Variants in ANGPT1 observed in about 807,000 individuals in gnomAD.
The protein encoded by ANGPT1 is angiopoietin 1.
ANGPT1 carries 17 observed loss-of-function variants against 62.2 expected under a neutral mutation model. The observed-to-expected ratio is 0.27, with a 90% CI of 0.19 to 0.41. ANGPT1 has a LOEUF of 0.41. Ranked by LOEUF, ANGPT1 falls within the 10% of genes least tolerant of loss-of-function variation. The probability of loss-of-function intolerance (pLI) is 1.00; values close to 1 mark genes in which losing one functional copy is unlikely to be tolerated. For synonymous variants in ANGPT1, 199 were observed against 198.9 expected, an observed-to-expected ratio of 1.00 and a Z score of 0.00; for missense variants, 478 against 594.9, an observed-to-expected ratio of 0.80 and a Z score of 2.04.
intron 1 of ANGPT1, among the ~76,000 whole-genome samples, chr8:107,416,991 A>G (rs1026740059): frequency 2.0e-5 from 3 of 151,944 alleles, no homozygotes; most frequent in African/African-American, 7.2e-5. Flanking sequence ...GGGTTTCACC[A>G]TGTTGGCCAG....
chr8:107,348,432 G>A (rs981940621), intron 1 of ANGPT1, among the ~76,000 whole-genome samples: 2 of 151,966 alleles, frequency 1.3e-5, no homozygotes, highest in Non-Finnish European at 2.9e-5. Flanking sequence ...TAACAAAAAT[G>A]GTTTTCAATC....
chr8:107,331,034 CTAATA>C (rs1225117451), intron 3 of ANGPT1, among the ~76,000 whole-genome samples: 3 of 152,120 alleles, frequency 2.0e-5, no homozygotes, highest in African/African-American at 7.2e-5. Context: ...TTATAAACAA[CTAATA>C]TAATTCAGCC....
chr8:107,341,662 A>G (rs991092045), intron 2 of ANGPT1, among the ~76,000 whole-genome samples: 1 of 149,268 alleles, frequency 6.7e-6, no homozygotes, highest in South Asian at 2.1e-4. Flanking sequence ...TAATAATATA[A>G]CCCTATATTA....
intron 1 of ANGPT1, among the ~76,000 whole-genome samples, chr8:107,367,427 C>T (rs1438383314): frequency 1.3e-5 from 2 of 152,082 alleles, no homozygotes; most frequent in African/African-American, 4.8e-5. Context: ...GCTGACTGAT[C>T]AGGGTGGGGT....
intron 1 of ANGPT1, among the ~76,000 whole-genome samples, chr8:107,368,282 T>C (rs965004754): frequency 2.0e-5 from 3 of 152,082 alleles, no homozygotes; most frequent in Non-Finnish European, 2.9e-5. Flanking sequence ...TTAAAAATAA[T>C]CTTTTTGTTT....
intron 1 of ANGPT1, among the ~76,000 whole-genome samples, chr8:107,444,621 T>C (rs1425192618): frequency 6.6e-6 from 1 of 152,220 alleles, no homozygotes; most frequent in Non-Finnish European, 1.5e-5. Flanking sequence ...TAAGCTGGTA[T>C]GAAGTCAAAA....
chr8:107,278,693 C>T (rs960775144), intron 7 of ANGPT1, among the ~76,000 whole-genome samples: 34 of 152,304 alleles, frequency 2.2e-4, no homozygotes, highest in African/African-American at 8.2e-4. Flanking sequence ...ACAGTTTCTA[C>T]ATTGTGTATT....
Position 107,322,206 on chromosome 8 carries a change from AATTT to A in ANGPT1, c.576-82_576-79del. The A allele has an allele frequency of 8.7e-6, 9 of 1,033,548 alleles. No individual in the cohort carries two copies. The South Asian group carries it at 1.0e-4, about 11-fold the overall frequency. 64.0% of individuals were successfully genotyped at this position (1,033,548 alleles called of 1,614,324 possible). On this transcript the variant is annotated intron_variant, in intron 3 of 8. Transcript: ENST00000517746. ...ACCCTTATAATTCAATTGGTTCCTG[AATTT>A]ATTTAAGATGAGAAATTTTACATTT...
intron 6 of ANGPT1, among the ~76,000 whole-genome samples, chr8:107,288,953 T>C (rs1814208812): frequency 6.6e-6 from 1 of 152,144 alleles, no homozygotes. Flanking sequence ...AATGAAAGTA[T>C]ATATGAAATT....
At chr8:107,398,518 G>C (rs369412885) in intron 1 of ANGPT1, among the ~76,000 whole-genome samples, 2 of 37,604 alleles carry the variant, frequency 5.3e-5, no homozygotes, top group African/African-American at 1.6e-4. Context: ...TTTTTTTTTT[G>C]CTAAGTGTGA....
intron 7 of ANGPT1, among the ~76,000 whole-genome samples, chr8:107,269,114 C>A (rs1460038023): frequency 1.3e-5 from 2 of 151,842 alleles, no homozygotes; most frequent in African/African-American, 4.8e-5. Flanking sequence ...CTGTGGAATC[C>A]CAGAAGGACT....
intron 1 of ANGPT1, among the ~76,000 whole-genome samples, chr8:107,488,669 T>G (rs1812879243): frequency 6.6e-6 from 1 of 152,212 alleles, no homozygotes; most frequent in African/African-American, 2.4e-5. Context: ...ACCTTTGTTC[T>G]TATTATTTAA....
At chr8:107,314,605 T>C (rs1287940191) in intron 4 of ANGPT1, among the ~76,000 whole-genome samples, 1 of 152,206 alleles carries the variant, frequency 6.6e-6, no homozygotes, top group African/African-American at 2.4e-5. Flanking sequence ...AAGGAAGTGC[T>C]AGATAGTGTG....
intron 1 of ANGPT1, among the ~76,000 whole-genome samples, chr8:107,410,519 C>G (rs537937845): frequency 8.5e-5 from 13 of 152,240 alleles, no homozygotes; most frequent in African/African-American, 2.9e-4. Flanking sequence ...CGTTCTGCAG[C>G]TAGACACTAA....
intron 2 of ANGPT1, among the ~76,000 whole-genome samples, chr8:107,344,052 C>T (rs1815751976): frequency 6.6e-6 from 1 of 151,932 alleles, no homozygotes; most frequent in Non-Finnish European, 1.5e-5. Flanking sequence ...CAGAGTGAGA[C>T]CCTATCTCAA....
chr8:107,298,531 G>A (rs1205016498), intron 5 of ANGPT1, among the ~76,000 whole-genome samples: 2 of 151,738 alleles, frequency 1.3e-5, no homozygotes, highest in African/African-American at 4.8e-5. Flanking sequence ...ATACAGAAAT[G>A]ACCTAAATCT....
At chr8:107,491,585 C>T (rs1812957153) in intron 1 of ANGPT1, among the ~76,000 whole-genome samples, 1 of 152,096 alleles carries the variant, frequency 6.6e-6, no homozygotes. Context: ...GAAGAATTTT[C>T]TGAGCTGAGT....
chr8:107,348,516 T>G (rs1174428393), intron 1 of ANGPT1, among the ~76,000 whole-genome samples: 3 of 152,032 alleles, frequency 2.0e-5, no homozygotes, highest in Non-Finnish European at 4.4e-5. Flanking sequence ...CATTCATTTT[T>G]CCCCCAAATT....
chr8:107,330,290 T>C (rs1345841514), intron 3 of ANGPT1, among the ~76,000 whole-genome samples: 1 of 152,136 alleles, frequency 6.6e-6, no homozygotes, highest in Non-Finnish European at 1.5e-5. Flanking sequence ...CCAAAACACA[T>C]AGAGTCTATG....
Sources: gnomAD v4.1 joint callset for allele counts (sites outside exome capture counted in the v4.1 genomes callset) on GRCh38, gnomAD v4.1.1 for gene constraint, MANE v1.5 for transcripts, NCBI Gene and HGNC (gene_info 2026-07-23, HGNC 2026-07-21) for gene names.